Variants in ST6GALNAC3 observed in about 807,000 individuals in gnomAD.
ST6GALNAC3 encodes the protein alpha-N-acetylgalactosaminide alpha-2,6-sialyltransferase 3.
ST6GALNAC3 carries 25 observed loss-of-function variants against 32.7 expected under a neutral mutation model. The ratio of observed to expected loss-of-function variants is 0.76; its 90% CI spans 0.56 to 1.07. The LOEUF (loss-of-function observed/expected upper bound fraction) is 1.07. Among genes scored for constraint, ST6GALNAC3 ranks in the 50% least tolerant of loss-of-function variants. The probability of loss-of-function intolerance (pLI) is 0.00; values close to 1 mark genes in which losing one functional copy is unlikely to be tolerated. For synonymous variants in ST6GALNAC3, 129 were observed against 133.1 expected, an observed-to-expected ratio of 0.97 and a Z score of 0.21; for missense variants, 355 against 382.4, an observed-to-expected ratio of 0.93 and a Z score of 0.60.
intron 1 of ST6GALNAC3, among the ~76,000 whole-genome samples, chr1:76,117,812 G>A (rs1212162815): frequency 6.6e-6 from 1 of 152,196 alleles, no homozygotes; most frequent in Admixed American, 6.5e-5. Flanking sequence ...TCAGACCTGT[G>A]TGGGAATTCC....
intron 3 of ST6GALNAC3, chr1:76,576,838 A>T (rs1646817259): frequency 7.7e-7 from 1 of 1,304,856 alleles, no homozygotes; most frequent in Non-Finnish European, 1.0e-6. Context: ...CATTCCCATG[A>T]TATCCAGTAC....
intron 1 of ST6GALNAC3, among the ~76,000 whole-genome samples, chr1:76,140,670 G>A (rs1207666302): frequency 1.4e-5 from 2 of 144,660 alleles, no homozygotes; most frequent in Non-Finnish European, 3.0e-5. Context: ...TGTTTTCCAA[G>A]CTGGAGTACA....
At chr1:76,468,338 G>A (rs966956502) in intron 3 of ST6GALNAC3, among the ~76,000 whole-genome samples, 1 of 151,900 alleles carries the variant, frequency 6.6e-6, no homozygotes, top group Non-Finnish European at 1.5e-5. Context: ...TAGCTACTTG[G>A]GACACATTGA....
At chr1:76,236,305 A>G (rs1474907403) in intron 1 of ST6GALNAC3, among the ~76,000 whole-genome samples, 1 of 152,170 alleles carries the variant, frequency 6.6e-6, no homozygotes, top group Non-Finnish European at 1.5e-5. Context: ...AAATAAGGTC[A>G]GACTCTGAGG....
chr1:76,112,939 G>A (rs968312317), intron 1 of ST6GALNAC3, among the ~76,000 whole-genome samples: 8 of 152,042 alleles, frequency 5.3e-5, no homozygotes, highest in African/African-American at 1.9e-4. Context: ...ACGGGGTGGC[G>A]GCCGGGCAGA....
chr1:76,407,634 C>T (rs1653925481), intron 2 of ST6GALNAC3, among the ~76,000 whole-genome samples: 1 of 151,240 alleles, frequency 6.6e-6, no homozygotes, highest in Non-Finnish European at 1.5e-5. Context: ...TTCAAAGATG[C>T]TTTGAGTGCA....
chr1:76,616,092 A>C (rs1294153645), intron 3 of ST6GALNAC3, among the ~76,000 whole-genome samples: 2 of 152,210 alleles, frequency 1.3e-5, no homozygotes, highest in East Asian at 3.9e-4. Flanking sequence ...AACTTCTTCC[A>C]GGTACTGATT....
intron 2 of ST6GALNAC3, among the ~76,000 whole-genome samples, chr1:76,359,967 A>C (rs1649797094): frequency 6.6e-6 from 1 of 152,180 alleles, no homozygotes; most frequent in Admixed American, 6.5e-5. Context: ...AGATTCTTAT[A>C]TCCAAATGCC....
chr1:76,087,277 T>C (rs1646976962), intron 1 of ST6GALNAC3, among the ~76,000 whole-genome samples: 1 of 152,232 alleles, frequency 6.6e-6, no homozygotes, highest in East Asian at 1.9e-4. Context: ...TATACCACTC[T>C]AGGTTTCTGT....
chr1:76,542,426 GGAATTAT>G (rs1664045493), intron 3 of ST6GALNAC3, among the ~76,000 whole-genome samples: 1 of 152,126 alleles, frequency 6.6e-6, no homozygotes, highest in Admixed American at 6.6e-5. Context: ...AGCCTGCTAT[GGAATTAT>G]GACTATTAAT....
intron 1 of ST6GALNAC3, among the ~76,000 whole-genome samples, chr1:76,118,295 T>C (rs1181895353): frequency 6.6e-6 from 1 of 152,232 alleles, no homozygotes; most frequent in South Asian, 2.1e-4. Context: ...TTATTATGGA[T>C]ATTATTTTGT....
In ST6GALNAC3 at chr1:76,565,711, C is replaced by T. The variant is rs536150643; in HGVS notation, c.624-61741C>T. On this transcript the variant is annotated intron_variant, in intron 3 of 4. Coordinates refer to ENST00000328299, the MANE Select transcript of ST6GALNAC3 (RefSeq NM_152996.4). ...TTCTAACAGAACCAGTTGTTCAAAA[C>T]TATTGTCTTGTTTCCAGTGCCAAAG... Among the ~76,000 whole-genome samples the T allele has an allele frequency of 1.9e-3, 294 of 152,298 alleles. 1 individual carries two copies. Among genetic ancestry groups the T allele is most frequent in the Middle Eastern group, 3.4e-3 (1 of 294 alleles).
At chr1:76,588,551 G>A (rs147207260) in intron 3 of ST6GALNAC3, among the ~76,000 whole-genome samples, 63 of 152,318 alleles carry the variant, frequency 4.1e-4, no homozygotes, top group African/African-American at 1.1e-3. Flanking sequence ...CCATTTGCCT[G>A]TGTATCCTTA....
intron 3 of ST6GALNAC3, among the ~76,000 whole-genome samples, chr1:76,595,033 A>G (rs986321557): frequency 6.6e-6 from 1 of 152,202 alleles, no homozygotes; most frequent in African/African-American, 2.4e-5. Flanking sequence ...CAAAAAAAGG[A>G]GAGCTGTTTT....
intron 1 of ST6GALNAC3, among the ~76,000 whole-genome samples, chr1:76,144,468 G>T (rs1043406024): frequency 6.6e-6 from 1 of 152,184 alleles, no homozygotes; most frequent in Admixed American, 6.5e-5. Flanking sequence ...GTGTTGGCCT[G>T]TTTCTTGTTC....
chr1:76,302,557 G>A (rs1660789246), intron 1 of ST6GALNAC3, among the ~76,000 whole-genome samples: 1 of 151,860 alleles, frequency 6.6e-6, no homozygotes, highest in Non-Finnish European at 1.5e-5. Context: ...ACTAACAATC[G>A]ATGGTCTCTT....
At chr1:76,592,085 A>C (rs900721491) in intron 3 of ST6GALNAC3, among the ~76,000 whole-genome samples, 13 of 152,146 alleles carry the variant, frequency 8.5e-5, no homozygotes, top group African/African-American at 3.1e-4. Context: ...TCCCTAGTTT[A>C]AGTGATGGAA....
chr1:76,382,128 C>T (rs1651758213), intron 2 of ST6GALNAC3, among the ~76,000 whole-genome samples: 2 of 152,066 alleles, frequency 1.3e-5, no homozygotes, highest in South Asian at 2.1e-4. Flanking sequence ...ATCAAGATAA[C>T]CTGTGTATGT....
intron 3 of ST6GALNAC3, among the ~76,000 whole-genome samples, chr1:76,561,587 G>T (rs542212799): frequency 3.9e-5 from 6 of 151,972 alleles, no homozygotes; most frequent in Admixed American, 3.9e-4. Flanking sequence ...ACTTCACACC[G>T]GCTTGATGGC....
Sources: allele counts gnomAD v4.1 joint callset (sites outside exome capture counted in the v4.1 genomes callset), GRCh38; gene constraint gnomAD v4.1.1; transcripts MANE v1.5; gene names NCBI Gene and HGNC (gene_info 2026-07-23, HGNC 2026-07-21).